Variants in THG1L observed in about 807,000 individuals in gnomAD.
THG1L encodes the protein tRNA-histidine guanylyltransferase 1 like.
A neutral mutation model predicts 35.2 loss-of-function variants in THG1L; 27 were observed. The observed-to-expected ratio is 0.77, with a 90% CI of 0.57 to 1.06. THG1L has a LOEUF of 1.06. Ranked by LOEUF, THG1L falls within the 50% of genes least tolerant of loss-of-function variation. THG1L has a pLI of 0.00. For synonymous variants in THG1L, 135 were observed against 132.4 expected (o/e 1.02, Z -0.14); for missense variants, 377 against 371.8 (o/e 1.01, Z -0.12).
chr5:157,731,713 C>A (rs1161998487), intron 1 of THG1L, 82 bp downstream of exon 1: 5 of 1,495,888 alleles, frequency 3.3e-6, no homozygotes, highest in East Asian at 2.3e-5. Flanking sequence ...TCCTCCCGCC[C>A]GCTCCAGTCA....
In THG1L at chr5:157,734,754, C is replaced by T. The variant is rs1162403766; in HGVS notation, c.538+9C>T. ...CTGGCGACAAGCAGATTGTGAGTGGCACCAAATAAACACATGTAGTTAAAC... is the reference window on the plus strand; with the variant it reads ...CTGGCGACAAGCAGATTGTGAGTGGTACCAAATAAACACATGTAGTTAAAC... On this transcript the variant is annotated intron_variant, in intron 3 of 5. Coordinates refer to ENST00000231198, the MANE Select transcript of THG1L (RefSeq NM_017872.5). 1.7e-5 allele frequency: 27 copies of T among 1,613,950 alleles called. No individual in the cohort carries two copies. The highest frequency in any genetic ancestry group is 2.0e-5 in the Non-Finnish European group (24 of 1,179,984).
chr5:157,731,760 A>G, intron 1 of THG1L, 129 bp downstream of exon 1: 1 of 1,180,324 alleles, frequency 8.5e-7, no homozygotes, highest in Middle Eastern at 3.0e-4. Flanking sequence ...ATGAGTGCGC[A>G]GCATGGAGCA....
At chr5:157,737,850 C>A in intron 4 of THG1L, 37 bp from the exon 5 acceptor site, 1 of 1,540,736 alleles carries the variant, frequency 6.5e-7, no homozygotes, top group Non-Finnish European at 8.9e-7. Flanking sequence ...AGAAAGAAGA[C>A]ATGCAGAGCT....
intron 5 of THG1L, chr5:157,738,710 G>A (rs531961508): frequency 3.6e-5 from 14 of 389,850 alleles, no homozygotes; most frequent in Admixed American, 3.5e-4. Context: ...GTACAGACTT[G>A]GATACTTCTT....
chr5:157,735,973 A>G, intron 4 of THG1L, 39 bp downstream of exon 4: 1 of 1,353,784 alleles, frequency 7.4e-7, no homozygotes, highest in Non-Finnish European at 1.0e-6. Flanking sequence ...AACTGGGGAC[A>G]GTTCGCTGTA....
At chr5:157,739,282 C>T in intron 5 of THG1L, 39 bp from the exon 6 acceptor site, 3 of 1,598,454 alleles carry the variant, frequency 1.9e-6, no homozygotes, top group Non-Finnish European at 2.6e-6. Context: ...CAAACCCACT[C>T]CTGACTTAAC....
At chr5:157,733,514 A>G (rs1396682360) in intron 2 of THG1L, among the ~76,000 whole-genome samples, 1 of 152,134 alleles carries the variant, frequency 6.6e-6, no homozygotes, top group Non-Finnish European at 1.5e-5. Flanking sequence ...TTTTTTTAAT[A>G]GAGGTGGGGT....
intron 5 of THG1L, 74 bp downstream of exon 5, chr5:157,738,068 TC>T: frequency 8.6e-7 from 1 of 1,164,920 alleles, no homozygotes; most frequent in Non-Finnish European, 1.3e-6. Flanking sequence ...AGCTGTGCCC[TC>T]CCTGCTGCCT....
intron 1 of THG1L, among the ~76,000 whole-genome samples, chr5:157,732,183 C>T (rs74896801): frequency 0.11 from 10,634 of 101,210 alleles, 689 homozygotes; most frequent in African/African-American, 0.23. Flanking sequence ...TTTGTTTTTT[C>T]TGTGGTTGTT....
In THG1L at chr5:157,732,971, A is replaced by T. The variant is rs144320851; in HGVS notation, c.295A>T (p.Ile99Phe). 621 of 1,614,144 alleles carry T rather than the reference A, an allele frequency of 3.8e-4. 1 individual carries two copies. The highest frequency in any genetic ancestry group is 4.9e-4 in the Non-Finnish European group (579 of 1,180,056). ...GATGGAAGAACTAGAGGATATTGTG[A>T]TCGCGTATGGACAGAGTGATGAGTA... ...TVMEELEDIV[I>F]AYGQSDEYSF... is the part of the protein sequence containing the mutation. The change falls in exon 2 of 6, where the codon ATC becomes TTC. Residue 99 changes from isoleucine to phenylalanine, a missense_variant. Transcript: ENST00000231198.
At position 157,731,800 on chromosome 5, in the gene THG1L, G is replaced by A. The variant is rs1227803892; in HGVS notation, c.191+169G>A. On this transcript the variant is annotated intron_variant, in intron 1 of 5. Transcript: ENST00000231198. ...CCCGCCCTGCGTGTTGGCTAGGACA[G>A]TGCCTGAACGCTGGCTGTTAGCGTA... is the stretch of plus-strand genomic sequence containing the variant. 3.9e-5 allele frequency among the ~76,000 whole-genome samples: 6 copies of A among 152,272 alleles called. No homozygotes were observed. The East Asian group carries it at 1.2e-3, about 29-fold the overall frequency.
intron 3 of THG1L, among the ~76,000 whole-genome samples, chr5:157,735,620 T>C (rs1760850512): frequency 6.6e-6 from 1 of 152,238 alleles, no homozygotes; most frequent in African/African-American, 2.4e-5. Context: ...ATTTGTATAA[T>C]GTGTAACTGA....
At chr5:157,737,773 T>C in intron 4 of THG1L, 114 bp from the exon 5 acceptor site, 1 of 740,660 alleles carries the variant, frequency 1.4e-6, no homozygotes, top group Non-Finnish European at 2.2e-6. Flanking sequence ...AGATGTTTGA[T>C]AAAATCCTTC....
At position 157,731,500 on chromosome 5, in the gene THG1L, G is replaced by A; in HGVS notation, c.60G>A (p.Leu20=). 5.0e-6 allele frequency: 8 copies of A among 1,613,028 alleles called. No homozygotes were observed. Residue 20 remains leucine (L), a synonymous_variant, in exon 1 of 6, where the codon CTG becomes CTA. Transcript: ENST00000231198. ...CCTTGGCCACCATTTCCATCACTCTGAGACGGTACCTGAGATTGGGGGCGA... is the reference window on the plus strand; with the variant it reads ...CCTTGGCCACCATTTCCATCACTCTAAGACGGTACCTGAGATTGGGGGCGA... ...HDSLATISIT[L]RRYLRLGATM... is the part of the protein sequence containing the mutation.
chr5:157,734,159 A>G (rs1207082555), intron 2 of THG1L, among the ~76,000 whole-genome samples: 7 of 152,048 alleles, frequency 4.6e-5, no homozygotes, highest in East Asian at 1.9e-4. Context: ...AGGCTGAGGC[A>G]GGCAGATGAC....
intron 1 of THG1L, 84 bp downstream of exon 1, chr5:157,731,715 C>G: frequency 6.7e-7 from 1 of 1,492,700 alleles, no homozygotes; most frequent in Non-Finnish European, 9.0e-7. Flanking sequence ...CTCCCGCCCG[C>G]TCCAGTCACG....
intron 1 of THG1L, among the ~76,000 whole-genome samples, chr5:157,732,215 CAAAAAAAAAAAAAAA>C (rs34744387): frequency 6.9e-4 from 37 of 53,892 alleles, no homozygotes; most frequent in East Asian, 1.1e-3. Context: ...TCCGCCACTA[CAAAAAAAAAAAAAAA>C]AAAAAAAAAA....
At chr5:157,737,085 A>T (rs1277418045) in intron 4 of THG1L, among the ~76,000 whole-genome samples, 2 of 152,114 alleles carry the variant, frequency 1.3e-5, no homozygotes, top group Non-Finnish European at 2.9e-5. Flanking sequence ...GGTGCATGCC[A>T]CTGTGCCCAG....
chr5:157,735,334 TAC>T (rs147444070), intron 3 of THG1L, among the ~76,000 whole-genome samples: 26,148 of 150,526 alleles, frequency 0.17, 2,376 homozygotes, highest in South Asian at 0.28. Context: ...CAGCTACCTT[TAC>T]ACACACACAC....
Sources: allele counts gnomAD v4.1 joint callset (sites outside exome capture counted in the v4.1 genomes callset), GRCh38; gene constraint gnomAD v4.1.1; transcripts MANE v1.5; gene names NCBI Gene and HGNC (gene_info 2026-07-23, HGNC 2026-07-21).